ABCD2: variants seen among roughly 807,000 people sequenced by gnomAD.
ABCD2 encodes ATP-binding cassette sub-family D member 2.
In ABCD2, 36 loss-of-function variants were observed where a neutral mutation model predicts 70.9. That is an observed-to-expected ratio of 0.51 (90% CI 0.39 to 0.67). ABCD2 has a LOEUF of 0.67. Among genes scored for constraint, ABCD2 ranks in the 30% least tolerant of loss-of-function variants. The probability of loss-of-function intolerance (pLI) is 0.00; values close to 1 mark genes in which losing one functional copy is unlikely to be tolerated. For synonymous variants in ABCD2, 304 were observed against 306.9 expected (o/e 0.99, Z 0.10); for missense variants, 729 against 890.2 (o/e 0.82, Z 2.30).
At chr12:39,549,841 T>A (rs767451574), downstream of ABCD2, among the ~76,000 whole-genome samples, 91 of 151,898 alleles carry the variant, frequency 6.0e-4, no homozygotes, top group Non-Finnish European at 9.1e-4. Context: ...TTGGATTAAT[T>A]ACTTAACCTT....
At chr12:39,557,674 C>G (rs576695537) in intron 9 of ABCD2, among the ~76,000 whole-genome samples, 1 of 152,264 alleles carries the variant, frequency 6.6e-6, no homozygotes, top group East Asian at 1.9e-4. Context: ...TTTGTGCAGT[C>G]TCAGGACTTG....
intron 8 of ABCD2, among the ~76,000 whole-genome samples, chr12:39,577,890 G>A (rs948022144): frequency 6.6e-6 from 1 of 151,948 alleles, no homozygotes; most frequent in African/African-American, 2.4e-5. Flanking sequence ...GAGAATATGG[G>A]GTTCTTACAA....
intron 9 of ABCD2, among the ~76,000 whole-genome samples, chr12:39,566,283 A>G (rs914193948): frequency 9.9e-5 from 15 of 152,218 alleles, no homozygotes; most frequent in Non-Finnish European, 2.2e-4. Flanking sequence ...TTGGTAAGCT[A>G]TTAATTATTG....
At chr12:39,536,091 A>C in the ABCD2 span, among the ~76,000 whole-genome samples, 1 of 152,256 alleles carries the variant, frequency 6.6e-6, no homozygotes, top group African/African-American at 2.4e-5. Context: ...CTCCGTCTCA[A>C]AAATAAATAA....
At chr12:39,608,619 T>C (rs1282655637) in intron 2 of ABCD2, among the ~76,000 whole-genome samples, 1 of 151,852 alleles carries the variant, frequency 6.6e-6, no homozygotes, top group African/African-American at 2.4e-5. Flanking sequence ...ACCCAGGAGG[T>C]GAAGGTTGCA....
chr12:39,603,508 A>G (rs906427360), intron 5 of ABCD2, among the ~76,000 whole-genome samples: 2 of 152,080 alleles, frequency 1.3e-5, no homozygotes, highest in Non-Finnish European at 2.9e-5. Context: ...AATTTAAGTC[A>G]CATAATGTAT....
At chr12:39,580,492 CATT>C (rs1398375774) in intron 7 of ABCD2, among the ~76,000 whole-genome samples, 31 of 152,268 alleles carry the variant, frequency 2.0e-4, no homozygotes, top group Admixed American at 1.6e-3. Context: ...TATATATCAT[CATT>C]GTCTTTCTGT....
chr12:39,544,460 G>C, the ABCD2 span, among the ~76,000 whole-genome samples: 36 of 152,250 alleles, frequency 2.4e-4, no homozygotes, highest in Non-Finnish European at 4.4e-4. Context: ...GTCTGCTTTG[G>C]GAAAGGGCTG....
the ABCD2 span, among the ~76,000 whole-genome samples, chr12:39,538,800 C>A: frequency 6.6e-6 from 1 of 152,146 alleles, no homozygotes; most frequent in Non-Finnish European, 1.5e-5. Flanking sequence ...GGGAAGACAC[C>A]TACCCTGGCC....
At chr12:39,555,373 C>T (rs1209631538) in intron 9 of ABCD2, among the ~76,000 whole-genome samples, 1 of 152,162 alleles carries the variant, frequency 6.6e-6, no homozygotes. Context: ...TGGAATAGGA[C>T]TCTACAGTGA....
the ABCD2 span, among the ~76,000 whole-genome samples, chr12:39,540,322 C>G: frequency 2.6e-5 from 4 of 152,150 alleles, no homozygotes; most frequent in Admixed American, 1.3e-4. Flanking sequence ...GGAGTCATAC[C>G]TTACAAACCA....
chr12:39,532,735 T>C, the ABCD2 span, among the ~76,000 whole-genome samples: 1 of 152,138 alleles, frequency 6.6e-6, no homozygotes. Flanking sequence ...TAGTAGGCAC[T>C]TACAAAAAGA....
At chr12:39,540,061 G>T in the ABCD2 span, among the ~76,000 whole-genome samples, 1 of 152,188 alleles carries the variant, frequency 6.6e-6, no homozygotes, top group African/African-American at 2.4e-5. Flanking sequence ...CTCACAGACA[G>T]TTGGTCTGTC....
intron 9 of ABCD2, among the ~76,000 whole-genome samples, chr12:39,564,553 C>G (rs1941313208): frequency 6.6e-6 from 1 of 152,116 alleles, no homozygotes; most frequent in Non-Finnish European, 1.5e-5. Context: ...GAGTAGATTG[C>G]AAAAATTTTC....
At chr12:39,568,650 C>T (rs1303062399) in intron 9 of ABCD2, among the ~76,000 whole-genome samples, 3 of 152,176 alleles carry the variant, frequency 2.0e-5, no homozygotes, top group African/African-American at 7.2e-5. Context: ...TTCCATCCAG[C>T]TTTGTTCCGT....
intron 8 of ABCD2, 27 bp from the exon 9 acceptor site, chr12:39,573,868 A>G (rs757458037): frequency 6.2e-7 from 1 of 1,602,384 alleles, no homozygotes; most frequent in African/African-American, 1.3e-5. Context: ...ACAAAAATTA[A>G]TTATTTTGCT....
chr12:39,536,345 G>C, the ABCD2 span, among the ~76,000 whole-genome samples: 1 of 152,340 alleles, frequency 6.6e-6, no homozygotes, highest in South Asian at 2.1e-4. Context: ...GTGGCACTGA[G>C]AGTTTTGACT....
At chr12:39,604,691 C>G in intron 4 of ABCD2, 71 bp downstream of exon 4, 2 of 1,265,002 alleles carry the variant, frequency 1.6e-6, no homozygotes, top group Non-Finnish European at 2.1e-6. Context: ...CTAAAAGCTA[C>G]CTTCTTAAAC....
chr12:39,604,701 CTT>C, intron 4 of ABCD2, 59 bp downstream of exon 4: 1 of 1,360,166 alleles, frequency 7.4e-7, no homozygotes, highest in Non-Finnish European at 9.8e-7. Context: ...CCTTCTTAAA[CTT>C]TGGTTCTGTT....
Sources: gnomAD v4.1 joint callset for allele counts (sites outside exome capture counted in the v4.1 genomes callset) on GRCh38, gnomAD v4.1.1 for gene constraint, MANE v1.5 for transcripts, NCBI Gene and HGNC (gene_info 2026-07-23, HGNC 2026-07-21) for gene names.